ZNF212: variants seen among roughly 807,000 people sequenced by gnomAD.
ZNF212 encodes the protein zinc finger protein 212, also known as Zinc finger protein C2H2-150.
ZNF212 carries 32 observed loss-of-function variants against 47.3 expected under a neutral mutation model. The observed-to-expected ratio is 0.68, with a 90% CI of 0.51 to 0.91. The LOEUF (loss-of-function observed/expected upper bound fraction) is 0.91, where lower values mean the gene tolerates loss of function less well. ZNF212 is among the 40% of genes least tolerant of loss of function. The pLI is 0.00. For missense variants in ZNF212, 555 were observed against 622.8 expected, an observed-to-expected ratio of 0.89 and a Z score of 1.16; for synonymous variants, 242 against 253.8, an observed-to-expected ratio of 0.95 and a Z score of 0.44.
In ZNF212 at chr7:149,239,675, C is replaced by CGGCGGCGGCGGT; in HGVS notation, c.-93_-92insTGGCGGCGGCGG. ...CAGAATGCACCTGGCATCAACACGGCGGCGGCGGCGGCGGCTTCCAACAGG... is the reference window on the plus strand; with the variant it reads ...CAGAATGCACCTGGCATCAACACGGCGGCGGCGGCGGTGGCGGCGGCGGCGGCTTCCAACAGG... On this transcript the variant is annotated 5_prime_UTR_variant, in exon 1 of 5. Transcript: ENST00000335870. The CGGCGGCGGCGGT allele has an allele frequency of 7.9e-7, 1 of 1,271,092 alleles. No individual in the cohort carries two copies. Among genetic ancestry groups the CGGCGGCGGCGGT allele is most frequent in the Non-Finnish European group, 1.0e-6 (1 of 997,368 alleles). 78.7% of individuals were successfully genotyped at this position (1,271,092 alleles called of 1,614,324 possible).
In ZNF212 at chr7:149,250,210, C is replaced by G; in HGVS notation, c.76C>G (p.Gln26Glu). 6.4e-7 allele frequency: 1 copy of G among 1,572,568 alleles called. No homozygotes were observed. Among genetic ancestry groups the G allele is most frequent in the Non-Finnish European group, 8.6e-7 (1 of 1,159,888 alleles). Reference sequence around the variant, plus strand: ...TTTAACTTCTTCCACACTTCCTTCACAAGCAACAGAGAAAAGCTCCTATTT... The same window carrying G: ...TTTAACTTCTTCCACACTTCCTTCAGAAGCAACAGAGAAAAGCTCCTATTT... ...TPLTSSTLPS[Q>E]ATEKSSYFQT... The change falls in exon 2 of 5, where the codon CAA becomes GAA. Residue 26 changes from glutamine to glutamate, a missense_variant. By Grantham distance (29) the Gln-to-Glu change is conservative. Transcript: ENST00000335870.
chr7:149,254,295 C>T lies in ZNF212; in HGVS notation c.1368C>T (p.Ser456=), dbSNP rs1390568713. Reference sequence around the variant, plus strand: ...TCCACACGGGTGAGCGGCCCTACAGCTGCACTGAGTGTGAGAAGAGCTTTG... The same window carrying T: ...TCCACACGGGTGAGCGGCCCTACAGTTGCACTGAGTGTGAGAAGAGCTTTG... The part of the protein sequence containing the change: ...QRIHTGERPY[S]CTECEKSFVQ... The change falls in exon 5 of 5, where the codon AGC becomes AGT. Residue 456 remains serine (S), a synonymous_variant. Transcript: ENST00000335870. This position sits in a 1 kb window ranked among gnomAD's most constrained non-coding sequence, Gnocchi z 4.5. 2.5e-6 allele frequency: 4 copies of T among 1,614,134 alleles called. No individual in the cohort carries two copies. The Admixed American group carries it at 5.0e-5, about 20-fold the overall frequency.
At chr7:149,239,924 G>C (rs1173329364) in intron 1 of ZNF212, 122 bp downstream of exon 1, 15 of 1,111,264 alleles carry the variant, frequency 1.3e-5, no homozygotes, top group Non-Finnish European at 1.7e-5. Flanking sequence ...TGCCGTTGGC[G>C]CGGGTGAACG....
chr7:149,245,042 A>C (rs1349803998), intron 1 of ZNF212, among the ~76,000 whole-genome samples: 1 of 152,192 alleles, frequency 6.6e-6, no homozygotes, highest in Non-Finnish European at 1.5e-5. Context: ...AAACATTGAA[A>C]GATATTAAAA....
Position 149,250,346 on chromosome 7 carries a change from C to T in ZNF212, c.212C>T (p.Thr71Ile), listed in dbSNP as rs760653348. ...CAGAGCCTGGAGGGGCGCACGGGGA[C>T]AGCCGAGAAGAAGCTGGCTGACTGC... Reference protein sequence around the residue: ...RLQSLEGRTGTAEKKLADCEK... With the variant: ...RLQSLEGRTGIAEKKLADCEK... The change falls in exon 2 of 5, where the codon ACA becomes ATA. Residue 71 changes from threonine (T) to isoleucine (I), a missense_variant. Physicochemically the swap from Thr to Ile is moderately conservative, Grantham distance 89. Coordinates refer to ENST00000335870, the MANE Select transcript of ZNF212 (RefSeq NM_012256.4). 7 of 1,613,968 alleles carry T rather than the reference C, an allele frequency of 4.3e-6. No individual in the cohort carries two copies. Among genetic ancestry groups the T allele is most frequent in the Admixed American group, 3.3e-5 (2 of 59,992 alleles).
At chr7:149,239,877 C>T in intron 1 of ZNF212, 75 bp downstream of exon 1, 1 of 1,254,118 alleles carries the variant, frequency 8.0e-7, no homozygotes, top group Non-Finnish European at 1.0e-6. Context: ...CGGGGCTTCG[C>T]GGTTTGGACG....
chr7:149,251,941 T>TTAAAAAAAAA (rs1198353594), intron 3 of ZNF212, among the ~76,000 whole-genome samples: 1 of 109,538 alleles, frequency 9.1e-6, no homozygotes, highest in African/African-American at 3.5e-5. Context: ...CTCTGTTGCT[T>TTAAAAAAAAA]AAAAAAAAAA....
chr7:149,245,388 C>T (rs982718160), intron 1 of ZNF212, among the ~76,000 whole-genome samples: 1 of 149,548 alleles, frequency 6.7e-6, no homozygotes, highest in Non-Finnish European at 1.5e-5. Context: ...GATTTGCATA[C>T]TATGTTTATG....
intron 3 of ZNF212, 54 bp downstream of exon 3, chr7:149,250,861 G>C (rs1233362069): frequency 3.1e-6 from 5 of 1,605,528 alleles, no homozygotes; most frequent in Middle Eastern, 1.7e-4. Flanking sequence ...ACAATTCCTG[G>C]CTGGCAGCCT....
At chr7:149,250,580 G>T (rs765752747) in intron 2 of ZNF212, 32 bp downstream of exon 2, 1 of 1,604,084 alleles carries the variant, frequency 6.2e-7, no homozygotes, top group South Asian at 1.1e-5. Flanking sequence ...AGTTAGAAGA[G>T]AAGGGGGAGC....
Position 149,254,637 on chromosome 7 carries a change from C to T in ZNF212, c.*222C>T. On this transcript the variant is annotated 3_prime_UTR_variant, in exon 5 of 5. Coordinates refer to ENST00000335870, the MANE Select transcript of ZNF212 (RefSeq NM_012256.4). The surrounding 1 kb of genome is among the most constrained non-coding windows in gnomAD (Gnocchi z 4.5). ...CTGCCAAGTTTGCTGTTTCTTGGCA[C>T]CTTCAGGTCTCTGGTTTTCTCATTC... 1.6e-6 allele frequency: 1 copy of T among 620,138 alleles called. No individual in the cohort carries two copies. The highest frequency in any genetic ancestry group is 2.6e-6 in the Non-Finnish European group (1 of 387,674). 38.4% of individuals were successfully genotyped at this position (620,138 alleles called of 1,614,324 possible). A position where few individuals can be genotyped will look rare whatever the true frequency, so the allele number is the denominator to read the frequency against.
intron 1 of ZNF212, among the ~76,000 whole-genome samples, chr7:149,243,383 A>G (rs570596187): frequency 2.8e-5 from 4 of 142,220 alleles, no homozygotes; most frequent in African/African-American, 1.0e-4. Context: ...GCAGTGAGCC[A>G]AGATTGCGCC....
In ZNF212 at chr7:149,250,227, C is replaced by T. The variant is rs1258273835; in HGVS notation, c.93C>T (p.Ser31=). 3 of 1,570,688 alleles carry T rather than the reference C, an allele frequency of 1.9e-6. No individual in the cohort carries two copies. In the South Asian group the frequency reaches 3.4e-5, roughly 18 times the overall value. ...STLPSQATEK[S]SYFQTTEISL... ...TTCCTTCACAAGCAACAGAGAAAAG[C>T]TCCTATTTTCAGACCACCGAGATTT... The change falls in exon 2 of 5, where the codon AGC becomes AGT. Residue 31 remains serine, a synonymous_variant. Transcript: ENST00000335870.
chr7:149,241,457 A>G (rs766726650), intron 1 of ZNF212, among the ~76,000 whole-genome samples: 2 of 144,956 alleles, frequency 1.4e-5, no homozygotes, highest in African/African-American at 2.6e-5. Flanking sequence ...AAAAAAGTCC[A>G]CCACAATCCC....
chr7:149,241,232 G>A (rs1479253760), intron 1 of ZNF212, among the ~76,000 whole-genome samples: 1 of 152,154 alleles, frequency 6.6e-6, no homozygotes, highest in Admixed American at 6.5e-5. Flanking sequence ...AGGAGTTCAA[G>A]ACTAGTCTGG....
rs1280935734 is a variant in ZNF212 at position 149,253,741 on chromosome 7, G to A, written c.814G>A (p.Glu272Lys). ...ETGPGDSTLE[E>K]PVGSRVPSSS... ...AGGTCCTGGGGACTCTACTCTAGAG[G>A]AGCCTGTTGGTAGTAGAGTTCCTAG... The change falls in exon 5 of 5, where the codon GAG becomes AAG. Residue 272 changes from glutamate (E) to lysine (K), a missense_variant. Glu to Lys is a moderately conservative substitution (Grantham distance 56). Coordinates refer to ENST00000335870, the MANE Select transcript of ZNF212 (RefSeq NM_012256.4). 4 of 1,614,106 alleles carry A rather than the reference G, an allele frequency of 2.5e-6. No homozygotes were observed. Among genetic ancestry groups the A allele is most frequent in the East Asian group, 4.5e-5 (2 of 44,894 alleles).
intron 1 of ZNF212, chr7:149,240,113 T>G: frequency 1.5e-5 from 5 of 327,646 alleles, no homozygotes; most frequent in East Asian, 4.6e-5. Flanking sequence ...AAAGAGCCCG[T>G]TCCCAGGTTG....
At position 149,239,687 on chromosome 7, in the gene ZNF212, C is replaced by CGGCGGCGGT. The variant is rs1796556872; in HGVS notation, c.-89_-88insGGCGGTGGC. ...GGCATCAACACGGCGGCGGCGGCGGCGGCTTCCAACAGGCTCTGGGGCGCC... is the reference window on the plus strand; with the variant it reads ...GGCATCAACACGGCGGCGGCGGCGGCGGCGGCGGTGGCTTCCAACAGGCTCTGGGGCGCC... On this transcript the variant is annotated 5_prime_UTR_variant, in exon 1 of 5. Transcript: ENST00000335870. 2 of 1,290,708 alleles carry CGGCGGCGGT rather than the reference C, an allele frequency of 1.5e-6. No homozygotes were observed. The highest frequency in any genetic ancestry group is 9.9e-7 in the Non-Finnish European group (1 of 1,013,942). The allele number at this position is 1,290,708 out of a possible 1,614,324, so 80.0% of individuals were successfully genotyped here.
Position 149,247,229 on chromosome 7 carries a change from C to T in ZNF212, c.25-2930C>T, listed in dbSNP as rs553097129. Among the ~76,000 whole-genome samples the T allele has an allele frequency of 4.8e-4, 73 of 152,096 alleles. 1 individual carries two copies. The South Asian group carries it at 0.014, about 29-fold the overall frequency. ...GCTCAAGTGATCCTCCCATCCTCAG[C>T]CTCCCAAGTAGCTGGGACTATAGGC... On this transcript the variant is annotated intron_variant, in intron 1 of 4. Coordinates refer to ENST00000335870, the MANE Select transcript of ZNF212 (RefSeq NM_012256.4).
Sources: gnomAD v4.1 joint callset for allele counts (sites outside exome capture counted in the v4.1 genomes callset) on GRCh38, gnomAD v4.1.1 for gene constraint, Gnocchi (gnomAD v3.1) non-coding constraint, MANE v1.5 for transcripts, NCBI Gene and HGNC (gene_info 2026-07-23, HGNC 2026-07-21) for gene names.